Variants in BANK1 observed in about 807,000 individuals in gnomAD.
The protein encoded by BANK1 is B cell scaffold protein with ankyrin repeats 1, also known as B-cell scaffold protein with ankyrin repeats.
Under a neutral mutation model 94.5 loss-of-function variants are expected in BANK1, and 95 were observed. The observed-to-expected ratio is 1.00, with a 90% CI of 0.85 to 1.19. The LOEUF is 1.19. Ranked by LOEUF, BANK1 falls within the 50% of genes most tolerant of loss-of-function variation. BANK1 has a pLI of 0.00. For synonymous variants in BANK1, 334 were observed against 308.4 expected, an observed-to-expected ratio of 1.08 and a Z score of -0.87; for missense variants, 987 against 932.2, an observed-to-expected ratio of 1.06 and a Z score of -0.77.
At chr4:101,990,783 T>G (rs147751466) in intron 7 of BANK1, among the ~76,000 whole-genome samples, 1 of 152,296 alleles carries the variant, frequency 6.6e-6, no homozygotes, top group East Asian at 1.9e-4. Flanking sequence ...AAAATATAAG[T>G]TCTTTATGCA....
intron 11 of BANK1, among the ~76,000 whole-genome samples, chr4:102,049,964 C>T (rs1270390259): frequency 6.6e-6 from 1 of 152,178 alleles, no homozygotes. Flanking sequence ...CAAGTGCTGG[C>T]AGGGCTCTGC....
chr4:101,887,635 T>G (rs771469811), intron 5 of BANK1, among the ~76,000 whole-genome samples: 2 of 152,220 alleles, frequency 1.3e-5, no homozygotes, highest in African/African-American at 2.4e-5. Context: ...TAAATGCAGA[T>G]TCCTTGAATC....
chr4:101,909,654 T>G (rs1380155407), intron 6 of BANK1, among the ~76,000 whole-genome samples: 1 of 152,194 alleles, frequency 6.6e-6, no homozygotes, highest in East Asian at 1.9e-4. Flanking sequence ...ATTAGGGCCA[T>G]TATGAACATG....
At chr4:101,905,426 C>T (rs2851315) in intron 6 of BANK1, among the ~76,000 whole-genome samples, 144,446 of 152,302 alleles carry the variant, frequency 0.95, 68,548 homozygotes, top group Admixed American at 0.96. Flanking sequence ...GGCCCCCTCA[C>T]GGTGTTTCCC....
intron 7 of BANK1, among the ~76,000 whole-genome samples, chr4:101,988,540 G>T (rs1366194728): frequency 1.3e-5 from 2 of 152,126 alleles, no homozygotes; most frequent in Non-Finnish European, 2.9e-5. Flanking sequence ...AAATATTTTA[G>T]TACAACTCTT....
At chr4:101,858,929 A>C (rs1245773020) in intron 3 of BANK1, among the ~76,000 whole-genome samples, 2 of 152,214 alleles carry the variant, frequency 1.3e-5, no homozygotes, top group Non-Finnish European at 2.9e-5. Flanking sequence ...CAGACCATGG[A>C]TTATGTAATA....
chr4:102,024,032 C>T (rs1726999650), intron 8 of BANK1, among the ~76,000 whole-genome samples: 1 of 152,122 alleles, frequency 6.6e-6, no homozygotes, highest in Non-Finnish European at 1.5e-5. Flanking sequence ...ATTAAAGAAT[C>T]TTGGTTTAGT....
chr4:102,039,018 C>T (rs1276577060), intron 10 of BANK1, among the ~76,000 whole-genome samples: 2 of 152,134 alleles, frequency 1.3e-5, no homozygotes, highest in African/African-American at 4.8e-5. Flanking sequence ...TTCCACCTTT[C>T]CATCTCTGCT....
chr4:101,839,403 C>T (rs1341512125), intron 2 of BANK1, among the ~76,000 whole-genome samples: 1 of 152,070 alleles, frequency 6.6e-6, no homozygotes, highest in Non-Finnish European at 1.5e-5. Flanking sequence ...AAGTGCTCCT[C>T]TAAAGCTCAT....
intron 4 of BANK1, among the ~76,000 whole-genome samples, chr4:101,867,300 A>G (rs1447044930): frequency 2.0e-5 from 3 of 152,026 alleles, no homozygotes; most frequent in African/African-American, 7.2e-5. Context: ...CTAAAATTCT[A>G]TATTCAGTGA....
At chr4:101,852,288 A>G (rs533244223) in intron 2 of BANK1, among the ~76,000 whole-genome samples, 1 of 151,578 alleles carries the variant, frequency 6.6e-6, no homozygotes, top group African/African-American at 2.4e-5. Flanking sequence ...TCATTCCTCT[A>G]CTTGAATTAA....
chr4:101,981,949 G>A (rs1404042430), intron 7 of BANK1: 1 of 152,184 alleles, frequency 6.6e-6, no homozygotes, highest in Admixed American at 6.6e-5. Context: ...AACTAGGTAT[G>A]TGGTAGGGTG....
chr4:101,839,958 TTTTTTTTTTTTTTTTTTTTTTTTTTTTTG>T (rs1726975757), intron 2 of BANK1, among the ~76,000 whole-genome samples: 4 of 63,410 alleles, frequency 6.3e-5, no homozygotes, highest in African/African-American at 2.4e-4. Context: ...TTTTTTTTTT[TTTTTTTTTTTTTTTTTTTTTTTTTTTTTG>T]AGACAGAGTC....
At chr4:101,849,721 A>T (rs894538470) in intron 2 of BANK1, among the ~76,000 whole-genome samples, 1 of 152,194 alleles carries the variant, frequency 6.6e-6, no homozygotes, top group African/African-American at 2.4e-5. Flanking sequence ...TTTAAAGCTT[A>T]TATAAAAAGG....
intron 10 of BANK1, among the ~76,000 whole-genome samples, chr4:102,036,122 A>T (rs1216915794): frequency 6.6e-6 from 1 of 152,212 alleles, no homozygotes; most frequent in Non-Finnish European, 1.5e-5. Context: ...AATCCATGTG[A>T]CTGATTTCTG....
chr4:102,040,824 G>C (rs1727678697), intron 10 of BANK1, among the ~76,000 whole-genome samples: 1 of 151,954 alleles, frequency 6.6e-6, no homozygotes, highest in South Asian at 2.1e-4. Context: ...GAATGTTAGA[G>C]CTGAGTGAAA....
At chr4:101,803,408 T>C (rs1245127957) in intron 1 of BANK1, among the ~76,000 whole-genome samples, 1 of 152,180 alleles carries the variant, frequency 6.6e-6, no homozygotes, top group Non-Finnish European at 1.5e-5. Flanking sequence ...ATTTTTCTAT[T>C]TCTTAAATTC....
At chr4:102,032,343 G>A (rs1326721594) in intron 10 of BANK1, 1 of 152,094 alleles carries the variant, frequency 6.6e-6, no homozygotes, top group Non-Finnish European at 1.5e-5. Flanking sequence ...CAAGATCTCT[G>A]TCTTGTTCTC....
intron 2 of BANK1, among the ~76,000 whole-genome samples, chr4:101,837,565 G>A (rs988852407): frequency 1.3e-5 from 2 of 152,070 alleles, no homozygotes; most frequent in Non-Finnish European, 2.9e-5. Flanking sequence ...AGGTTTCAAG[G>A]ATTTTTCCCT....
Sources: allele counts gnomAD v4.1 joint callset (sites outside exome capture counted in the v4.1 genomes callset), GRCh38; gene constraint gnomAD v4.1.1; transcripts MANE v1.5; gene names NCBI Gene and HGNC (gene_info 2026-07-23, HGNC 2026-07-21).